Variants in CACNA2D3 observed in about 807,000 individuals in gnomAD.
CACNA2D3 encodes calcium voltage-gated channel auxiliary subunit alpha2delta 3, also known as voltage-dependent calcium channel subunit alpha-2/delta-3.
Under a neutral mutation model 160.6 loss-of-function variants are expected in CACNA2D3, and 60 were observed. That is an observed-to-expected ratio of 0.37 (90% CI 0.30 to 0.46). The LOEUF is 0.46. Ranked by LOEUF, CACNA2D3 falls within the 20% of genes least tolerant of loss-of-function variation. The probability of loss-of-function intolerance (pLI) is 1.00; values close to 1 mark genes in which losing one functional copy is unlikely to be tolerated. For synonymous variants in CACNA2D3, 558 were observed against 492.9 expected, an observed-to-expected ratio of 1.13 and a Z score of -1.75; for missense variants, 1,205 against 1,365.0, an observed-to-expected ratio of 0.88 and a Z score of 1.85.
At chr3:54,208,201 G>A (rs1701306045) in intron 2 of CACNA2D3, among the ~76,000 whole-genome samples, 1 of 152,102 alleles carries the variant, frequency 6.6e-6, no homozygotes, top group South Asian at 2.1e-4. Flanking sequence ...TGCCTCCTGG[G>A]TTCAAGTGAT....
At position 54,871,225 on chromosome 3, in the gene CACNA2D3, C is replaced by CACA. The variant is rs1559611440; in HGVS notation, c.1627-314_1627-313insACA. ...CACACACACACACACACACACACAC[C>CACA]CCCCATTCAAGGAGGGGACAGATTT... On this transcript the variant is annotated intron_variant, in intron 17 of 37. Coordinates refer to ENST00000474759, the MANE Select transcript of CACNA2D3 (RefSeq NM_018398.3). Among the ~76,000 whole-genome samples, 73 of 131,796 alleles carry CACA rather than the reference C, an allele frequency of 5.5e-4. 1 individual carries two copies. Among genetic ancestry groups the CACA allele is most frequent in the African/African-American group, 1.9e-3 (59 of 31,518 alleles). The allele number at this position is 131,796 out of a possible 152,430, so 86.5% of individuals were successfully genotyped here.
intron 31 of CACNA2D3, among the ~76,000 whole-genome samples, chr3:54,997,577 TTAAC>T (rs1209398655): frequency 1.5e-5 from 1 of 67,068 alleles, no homozygotes; most frequent in Non-Finnish European, 3.1e-5. Context: ...AAGAAAAAAA[TTAAC>T]TAGATATGGT....
At chr3:54,356,959 C>T (rs889445963) in intron 3 of CACNA2D3, among the ~76,000 whole-genome samples, 1 of 152,112 alleles carries the variant, frequency 6.6e-6, no homozygotes, top group Non-Finnish European at 1.5e-5. Flanking sequence ...TTGCATGAAG[C>T]TTACTTAGGG....
intron 3 of CACNA2D3, among the ~76,000 whole-genome samples, chr3:54,358,134 T>C (rs1698680753): frequency 6.6e-6 from 1 of 152,222 alleles, no homozygotes. Flanking sequence ...AAATTGTGTG[T>C]GTGAGGTGGA....
chr3:54,152,838 T>A (rs1000894645), intron 2 of CACNA2D3, among the ~76,000 whole-genome samples: 1 of 152,212 alleles, frequency 6.6e-6, no homozygotes, highest in Non-Finnish European at 1.5e-5. Flanking sequence ...CAGGGCTTAT[T>A]TTTCATGAGA....
At chr3:54,959,957 T>C (rs976015418) in intron 27 of CACNA2D3, among the ~76,000 whole-genome samples, 3 of 152,036 alleles carry the variant, frequency 2.0e-5, no homozygotes, top group Non-Finnish European at 4.4e-5. Context: ...TCCACAACCC[T>C]GCTAATTCTT....
chr3:54,355,290 G>T (rs1443561942), intron 3 of CACNA2D3, among the ~76,000 whole-genome samples: 1 of 152,180 alleles, frequency 6.6e-6, no homozygotes, highest in Non-Finnish European at 1.5e-5. Context: ...GCAACTGGAG[G>T]CCATTGAAGT....
intron 2 of CACNA2D3, among the ~76,000 whole-genome samples, chr3:54,286,519 A>G (rs547495081): frequency 3.9e-5 from 6 of 152,244 alleles, no homozygotes; most frequent in African/African-American, 1.4e-4. Flanking sequence ...GATATTATCC[A>G]GGAGAACTTC....
chr3:54,885,343 C>T lies in CACNA2D3; in HGVS notation c.1958+17C>T. 1.2e-6 allele frequency: 2 copies of T among 1,613,690 alleles called. No individual in the cohort carries two copies. Among genetic ancestry groups the T allele is most frequent in the Non-Finnish European group, 8.5e-7 (1 of 1,179,628 alleles). On this transcript the variant is annotated intron_variant, in intron 22 of 37. Transcript: ENST00000474759. ...AGATGAATGGTAAGAATTAAACCAT[C>T]CCTCCTTGACCATGGCATCCTTCAT...
chr3:54,610,552 C>T (rs1409892723), intron 9 of CACNA2D3, among the ~76,000 whole-genome samples: 1 of 152,068 alleles, frequency 6.6e-6, no homozygotes, highest in Non-Finnish European at 1.5e-5. Flanking sequence ...ATTTGACAGA[C>T]TAGATCTGAC....
chr3:54,742,166 C>G (rs928538154), intron 11 of CACNA2D3, among the ~76,000 whole-genome samples: 1 of 152,140 alleles, frequency 6.6e-6, no homozygotes, highest in African/African-American at 2.4e-5. Flanking sequence ...TGCCTATAAT[C>G]CCAGCACTTT....
rs368759745 is a variant in CACNA2D3 at position 54,123,497 on chromosome 3, C to T, written c.123-16C>T. 1.7e-5 allele frequency: 28 copies of T among 1,601,468 alleles called. No individual in the cohort carries two copies. Among genetic ancestry groups the T allele is most frequent in the African/African-American group, 2.7e-5 (2 of 74,674 alleles). ...CACGGGTGTTACATATCTTCCTGTG[C>T]CCCTTCTCCCTGTAGGGTGAAGCTC... On this transcript the variant is annotated splice_polypyrimidine_tract_variant and intron_variant, in intron 1 of 37. Transcript: ENST00000474759.
intron 2 of CACNA2D3, among the ~76,000 whole-genome samples, chr3:54,318,230 G>T (rs144944722): frequency 3.3e-5 from 5 of 152,164 alleles, no homozygotes; most frequent in African/African-American, 1.2e-4. Flanking sequence ...AGCACAGACG[G>T]TTTTGGGGTC....
chr3:54,692,690 C>T (rs1236300980), intron 11 of CACNA2D3, among the ~76,000 whole-genome samples: 2 of 152,176 alleles, frequency 1.3e-5, no homozygotes, highest in Non-Finnish European at 2.9e-5. Context: ...AATGGATCCC[C>T]ACCCAGTTAC....
chr3:54,167,962 T>G (rs1029094943), intron 2 of CACNA2D3, among the ~76,000 whole-genome samples: 3 of 152,246 alleles, frequency 2.0e-5, no homozygotes, highest in African/African-American at 7.2e-5. Flanking sequence ...AGTCCCTTCC[T>G]TGTCATTTTT....
chr3:54,992,708 C>A (rs1702767609), intron 31 of CACNA2D3, among the ~76,000 whole-genome samples: 1 of 151,718 alleles, frequency 6.6e-6, no homozygotes, highest in African/African-American at 2.4e-5. Context: ...GAGGGGCCCC[C>A]ACCTTCAGTG....
intron 27 of CACNA2D3, chr3:54,966,937 G>T (rs1295999249): frequency 1.3e-5 from 2 of 152,106 alleles, no homozygotes; most frequent in Non-Finnish European, 2.9e-5. Flanking sequence ...CCTATGGGTC[G>T]TCTGTGTACT....
At chr3:54,778,523 C>G (rs1702466430) in intron 13 of CACNA2D3, among the ~76,000 whole-genome samples, 1 of 152,152 alleles carries the variant, frequency 6.6e-6, no homozygotes, top group Non-Finnish European at 1.5e-5. Flanking sequence ...GACCTCCAGT[C>G]TAGAGTGGGG....
At chr3:54,629,024 T>C (rs1699179660) in intron 10 of CACNA2D3, among the ~76,000 whole-genome samples, 1 of 152,136 alleles carries the variant, frequency 6.6e-6, no homozygotes, top group Non-Finnish European at 1.5e-5. Context: ...CTTGATTCTT[T>C]CCTTGCTTCC....
Sources: allele counts gnomAD v4.1 joint callset (sites outside exome capture counted in the v4.1 genomes callset), GRCh38; gene constraint gnomAD v4.1.1; transcripts MANE v1.5; gene names NCBI Gene and HGNC (gene_info 2026-07-23, HGNC 2026-07-21).